POTEE: variants seen among roughly 807,000 people sequenced by gnomAD.
The protein encoded by POTEE is POTE ankyrin domain family member E.
POTEE carries 21 observed loss-of-function variants against 74.2 expected under a neutral mutation model. That is an observed-to-expected ratio of 0.28 (90% CI 0.20 to 0.41). The LOEUF (loss-of-function observed/expected upper bound fraction) is 0.41. Ranked by LOEUF, POTEE falls within the 10% of genes least tolerant of loss-of-function variation. The pLI, the probability that POTEE is intolerant of heterozygous loss-of-function variation, is 1.00. For missense variants in POTEE, 525 were observed against 1,158.6 expected, an observed-to-expected ratio of 0.45 and a Z score of 7.94; for synonymous variants, 211 against 432.8, an observed-to-expected ratio of 0.49 and a Z score of 6.36.
chr2:131,217,767 G>GCCGCACGC (rs1346236687), intron 3 of POTEE, among the ~76,000 whole-genome samples, 84 bp downstream of exon 3: 43 of 12,618 alleles, frequency 3.4e-3, no homozygotes, highest in African/African-American at 4.4e-3. Flanking sequence ...CACGCCGCAC[G>GCCGCACGC]CGCACGCCGC....
chr2:131,262,828 A>G (rs1177950234), intron 17 of POTEE, among the ~76,000 whole-genome samples: 7 of 152,362 alleles, frequency 4.6e-5, no homozygotes, highest in African/African-American at 1.7e-4. Flanking sequence ...TAGAAATATT[A>G]GAAATGTAGA....
At chr2:131,233,173 A>T (rs1701016708) in intron 9 of POTEE, among the ~76,000 whole-genome samples, 1 of 152,118 alleles carries the variant, frequency 6.6e-6, no homozygotes, top group Admixed American at 6.5e-5. Flanking sequence ...ATTAAATCTG[A>T]GTATTAAGGC....
intron 4 of POTEE, among the ~76,000 whole-genome samples, chr2:131,221,777 TG>T: frequency 6.6e-6 from 1 of 152,338 alleles, no homozygotes; most frequent in South Asian, 2.1e-4. Flanking sequence ...TTGAGTTGTA[TG>T]TTTATGAAAA....
At chr2:131,221,577 ATT>A (rs1318441450) in intron 4 of POTEE, among the ~76,000 whole-genome samples, 4 of 152,092 alleles carry the variant, frequency 2.6e-5, no homozygotes, top group Non-Finnish European at 4.4e-5. Context: ...GATGCAAATA[ATT>A]TGTCACATTC....
At chr2:131,260,261 A>C (rs1422533341) in intron 16 of POTEE, among the ~76,000 whole-genome samples, 3 of 149,646 alleles carry the variant, frequency 2.0e-5, no homozygotes. Flanking sequence ...ATGCCAACAT[A>C]TTTGTTCCTT....
At chr2:131,228,187 T>A in intron 7 of POTEE, 57 bp from the exon 8 acceptor site, 1 of 1,598,920 alleles carries the variant, frequency 6.3e-7, no homozygotes, top group South Asian at 1.1e-5. Context: ...ATTGGTAAAG[T>A]ATATCAAATT....
intron 10 of POTEE, among the ~76,000 whole-genome samples, chr2:131,237,542 TC>T (rs1701171959): frequency 6.6e-6 from 1 of 151,866 alleles, no homozygotes. Flanking sequence ...TATTAAAAAA[TC>T]TTTATCCACT....
intron 8 of POTEE, 108 bp from the exon 9 acceptor site, chr2:131,230,728 C>T: frequency 9.6e-6 from 12 of 1,250,788 alleles, no homozygotes; most frequent in Non-Finnish European, 1.3e-5. Context: ...CTATTAAGTT[C>T]TGTTATTCTG....
At chr2:131,256,914 G>A (rs549097704) in intron 16 of POTEE, among the ~76,000 whole-genome samples, 13 of 152,428 alleles carry the variant, frequency 8.5e-5, no homozygotes, top group African/African-American at 2.4e-4. Context: ...GCTCTCTAAC[G>A]TAATTGAGGG....
Position 131,228,352 on chromosome 2 carries a change from A to G in POTEE, c.1026A>G (p.Arg342=). The G allele has an allele frequency of 6.2e-7, 1 of 1,610,892 alleles. No individual in the cohort carries two copies. The highest frequency in any genetic ancestry group is 1.1e-5 in the South Asian group (1 of 90,944). Reference sequence around the variant, plus strand: ...AAGATCTATCTGGACAGACGGCCAGAGAGTATGCTGTTTCTAGTCATCATC... The same window carrying G: ...AAGATCTATCTGGACAGACGGCCAGGGAGTATGCTGTTTCTAGTCATCATC... ...SSQDLSGQTA[R]EYAVSSHHHV... Residue 342 remains arginine, a synonymous_variant, in exon 8 of 18, where the codon AGA becomes AGG. Coordinates refer to ENST00000683005, the MANE Select transcript of POTEE (RefSeq NM_001083538.3).
intron 2 of POTEE, among the ~76,000 whole-genome samples, chr2:131,213,519 A>G (rs1700396980): frequency 6.6e-6 from 1 of 152,110 alleles, no homozygotes; most frequent in South Asian, 2.1e-4. Flanking sequence ...AAGAATATGT[A>G]TAAATACCAC....
chr2:131,260,253 G>T (rs1475069865), intron 16 of POTEE, among the ~76,000 whole-genome samples: 1 of 149,852 alleles, frequency 6.7e-6, no homozygotes, highest in Non-Finnish European at 1.5e-5. Flanking sequence ...GTAATGTGAT[G>T]CCAACATATT....
At chr2:131,221,638 C>G (rs192778321) in intron 4 of POTEE, among the ~76,000 whole-genome samples, 3 of 152,250 alleles carry the variant, frequency 2.0e-5, no homozygotes, top group Admixed American at 2.0e-4. Flanking sequence ...TGAACTTTTA[C>G]CCTCTTCAGA....
intron 1 of POTEE, among the ~76,000 whole-genome samples, chr2:131,210,038 A>C (rs1700324115): frequency 1.3e-5 from 1 of 74,938 alleles, no homozygotes; most frequent in Non-Finnish European, 2.5e-5. Context: ...GGTTGTGTGC[A>C]CTAACGTGTA....
intron 12 of POTEE, among the ~76,000 whole-genome samples, chr2:131,243,867 C>CAAAA: frequency 1.2e-4 from 1 of 8,584 alleles, no homozygotes; most frequent in South Asian, 6.7e-3. Flanking sequence ...GACTCCGTCT[C>CAAAA]AAAAAAAAAA....
intron 3 of POTEE, among the ~76,000 whole-genome samples, 196 bp downstream of exon 3, chr2:131,217,879 GCGCACGC>G (rs1490698915): frequency 1.7e-4 from 25 of 149,408 alleles, no homozygotes; most frequent in Admixed American, 1.5e-3. Flanking sequence ...CGGCTTGCAC[GCGCACGC>G]CGCACGCGCG....
chr2:131,217,468 A>G (rs1700468851), intron 2 of POTEE, among the ~76,000 whole-genome samples, 121 bp from the exon 3 acceptor site: 1 of 130,568 alleles, frequency 7.7e-6, no homozygotes, highest in South Asian at 2.9e-4. Context: ...AGCTGCTGCC[A>G]TGCACAACAG....
At chr2:131,213,118 G>A (rs1274803179) in intron 2 of POTEE, among the ~76,000 whole-genome samples, 4 of 152,064 alleles carry the variant, frequency 2.6e-5, no homozygotes, top group Middle Eastern at 3.4e-3. Flanking sequence ...CTGCCACCAC[G>A]CCCGGCTAAT....
intron 4 of POTEE, among the ~76,000 whole-genome samples, chr2:131,219,561 C>T (rs918562569): frequency 3.3e-5 from 5 of 151,970 alleles, no homozygotes; most frequent in Admixed American, 6.5e-5. Context: ...GGTGAAACCC[C>T]GTCTCTACTA....
Sources: allele counts gnomAD v4.1 joint callset (sites outside exome capture counted in the v4.1 genomes callset), GRCh38; gene constraint gnomAD v4.1.1; transcripts MANE v1.5; gene names NCBI Gene and HGNC (gene_info 2026-07-23, HGNC 2026-07-21).